Variants in FSTL5 observed in about 807,000 individuals in gnomAD.
The protein encoded by FSTL5 is follistatin like 5.
In FSTL5, 62 loss-of-function variants were observed where a neutral mutation model predicts 89.1. That is an observed-to-expected ratio of 0.70 (90% CI 0.57 to 0.86). The LOEUF is 0.86. Ranked by LOEUF, FSTL5 falls within the 40% of genes least tolerant of loss-of-function variation. FSTL5 has a pLI of 0.00. For synonymous variants in FSTL5, 383 were observed against 346.2 expected (o/e 1.11, Z -1.18); for missense variants, 1,057 against 1,001.6 (o/e 1.06, Z -0.75).
chr4:161,853,805 C>T (rs935143909), intron 4 of FSTL5, among the ~76,000 whole-genome samples: 6 of 152,034 alleles, frequency 3.9e-5, no homozygotes, highest in African/African-American at 1.4e-4. Flanking sequence ...AAATGGTTTA[C>T]CCAGGTTCTG....
rs359130 is a variant in FSTL5, at chr4:161,826,430, G to T, written c.410-50356C>A. 2.5e-3 allele frequency among the ~76,000 whole-genome samples: 381 copies of T among 151,688 alleles called. 1 individual carries two copies. Among genetic ancestry groups the T allele is most frequent in the African/African-American group, 8.3e-3 (343 of 41,376 alleles). ...ATAGTTTAAATCCATTGTTTTTTTTGTTGTTGTTGTTGACTTTCTGTCTTG... is the reference window on the plus strand; with the variant it reads ...ATAGTTTAAATCCATTGTTTTTTTTTTTGTTGTTGTTGACTTTCTGTCTTG... On this transcript the variant is annotated intron_variant, in intron 4 of 15. Transcript: ENST00000306100.
At chr4:161,861,835 C>G (rs1474139260) in intron 4 of FSTL5, among the ~76,000 whole-genome samples, 2 of 152,198 alleles carry the variant, frequency 1.3e-5, no homozygotes, top group African/African-American at 4.8e-5. Context: ...ATAAACTACT[C>G]ACAGAAAATC....
chr4:161,439,175 T>C (rs184782994), intron 15 of FSTL5, among the ~76,000 whole-genome samples: 62 of 152,354 alleles, frequency 4.1e-4, no homozygotes, highest in African/African-American at 1.4e-3. Context: ...ACATTAATGA[T>C]AGATCTCAAA....
At chr4:161,961,283 G>T (rs920285028) in intron 3 of FSTL5, among the ~76,000 whole-genome samples, 1 of 151,774 alleles carries the variant, frequency 6.6e-6, no homozygotes, top group Non-Finnish European at 1.5e-5. Context: ...AGTTTTGTTT[G>T]TTTGTGTTTG....
intron 6 of FSTL5, among the ~76,000 whole-genome samples, chr4:161,659,054 T>A (rs556444586): frequency 4.1e-4 from 63 of 152,338 alleles, no homozygotes; most frequent in African/African-American, 1.4e-3. Context: ...GAATAAATGC[T>A]GAGATTTGGC....
In FSTL5 at chr4:161,538,190, C is replaced by T. The variant is rs1731697686; in HGVS notation, c.1288G>A (p.Val430Met). The change falls in exon 10 of 16, where the codon GTG becomes ATG. Residue 430 changes from valine (V) to methionine (M), a missense_variant. This residue lies in a region of FSTL5 where 980 missense variants were observed against 903.2 expected (regional missense o/e 1.08). Transcript: ENST00000306100. ...CGGGTCTTTCTAGCAGAGTCTTCCACAAAAAGAGAAGAGATGTCTTCATCC... is the reference window on the plus strand; with the variant it reads ...CGGGTCTTTCTAGCAGAGTCTTCCATAAAAAGAGAAGAGATGTCTTCATCC... ...GVDEDISSLF[V>M]EDSARKTLAN... The T allele has an allele frequency of 6.2e-7, 1 of 1,613,910 alleles. No homozygotes were observed. Among genetic ancestry groups the T allele is most frequent in the Non-Finnish European group, 8.5e-7 (1 of 1,179,928 alleles).
intron 1 of FSTL5, among the ~76,000 whole-genome samples, chr4:162,150,712 G>T (rs932520638): frequency 8.5e-5 from 13 of 152,106 alleles, no homozygotes. Context: ...TAGTCTGAAT[G>T]TATTGATGTA....
At chr4:161,961,741 G>T (rs973312036) in intron 3 of FSTL5, among the ~76,000 whole-genome samples, 20 of 151,700 alleles carry the variant, frequency 1.3e-4, no homozygotes, top group African/African-American at 4.8e-4. Flanking sequence ...TGAAAATTTG[G>T]TGTTAGATTT....
At chr4:161,885,200 C>A (rs563409798) in intron 4 of FSTL5, among the ~76,000 whole-genome samples, 2 of 151,948 alleles carry the variant, frequency 1.3e-5, no homozygotes, top group African/African-American at 2.4e-5. Flanking sequence ...GTCCTGTGTG[C>A]CAGAAATTTT....
chr4:161,954,061 T>C (rs1272012928), intron 3 of FSTL5, among the ~76,000 whole-genome samples: 1 of 151,584 alleles, frequency 6.6e-6, no homozygotes, highest in Non-Finnish European at 1.5e-5. Flanking sequence ...GAGGATAATG[T>C]TGCCAAATAT....
intron 6 of FSTL5, among the ~76,000 whole-genome samples, chr4:161,678,527 C>G (rs1737401673): frequency 6.6e-6 from 1 of 151,756 alleles, no homozygotes; most frequent in Admixed American, 6.6e-5. Flanking sequence ...TTAAAAGAGT[C>G]AAGTTGGATT....
At chr4:162,026,949 A>G (rs563671436) in intron 3 of FSTL5, among the ~76,000 whole-genome samples, 1 of 152,298 alleles carries the variant, frequency 6.6e-6, no homozygotes, top group African/African-American at 2.4e-5. Context: ...ACCCAGACAA[A>G]TGATCCATTG....
intron 4 of FSTL5, among the ~76,000 whole-genome samples, chr4:161,909,669 TATACTC>T (rs1413667869): frequency 1.3e-5 from 2 of 152,094 alleles, no homozygotes; most frequent in African/African-American, 4.8e-5. Flanking sequence ...TGCCATGAAA[TATACTC>T]AGCTACCTGC....
chr4:161,463,595 T>C (rs1302965676), intron 13 of FSTL5, among the ~76,000 whole-genome samples: 1 of 152,214 alleles, frequency 6.6e-6, no homozygotes, highest in Non-Finnish European at 1.5e-5. Flanking sequence ...AATAACACAC[T>C]GGATTTTACA....
chr4:161,641,640 C>T (rs574935699), intron 7 of FSTL5, among the ~76,000 whole-genome samples: 1 of 151,814 alleles, frequency 6.6e-6, no homozygotes, highest in Non-Finnish European at 1.5e-5. Flanking sequence ...TACAGGCATA[C>T]GCCCCCACGC....
At chr4:161,630,736 A>T (rs1256739625) in intron 7 of FSTL5, among the ~76,000 whole-genome samples, 2 of 152,192 alleles carry the variant, frequency 1.3e-5, no homozygotes, top group African/African-American at 2.4e-5. Flanking sequence ...CTATATTACG[A>T]TTCCAACAGA....
Position 161,917,017 on chromosome 4 carries a change from C to T in FSTL5, c.409+3387G>A, listed in dbSNP as rs114912589. Among the ~76,000 whole-genome samples, 1,513 of 152,226 alleles carry T rather than the reference C, an allele frequency of 9.9e-3. 28 individuals are homozygous for T. Among genetic ancestry groups the T allele is most frequent in the African/African-American group, 0.035 (1,435 of 41,536 alleles). On this transcript the variant is annotated intron_variant, in intron 4 of 15. Transcript: ENST00000306100. ...GGCTAGAGTGCAGTGATGCAATCTCCGTTCACTGCAACTGCAACCTCTGCC... is the reference window on the plus strand; with the variant it reads ...GGCTAGAGTGCAGTGATGCAATCTCTGTTCACTGCAACTGCAACCTCTGCC...
At chr4:161,584,928 C>A (rs1230751471) in intron 8 of FSTL5, among the ~76,000 whole-genome samples, 5 of 152,056 alleles carry the variant, frequency 3.3e-5, no homozygotes, top group Non-Finnish European at 2.9e-5. Context: ...GACCCTTGTA[C>A]CTCGAAAAGG....
At chr4:162,140,270 G>A (rs1732674972) in intron 1 of FSTL5, among the ~76,000 whole-genome samples, 1 of 151,996 alleles carries the variant, frequency 6.6e-6, no homozygotes. Flanking sequence ...ACTCCTGTGG[G>A]AATACCCTAG....
Sources: allele counts gnomAD v4.1 joint callset (sites outside exome capture counted in the v4.1 genomes callset), GRCh38; gene constraint gnomAD v4.1.1; regional missense constraint gnomAD v4.1.1; transcripts MANE v1.5; gene names NCBI Gene and HGNC (gene_info 2026-07-23, HGNC 2026-07-21).